Variants in RHBDD1 observed in about 807,000 individuals in gnomAD.
RHBDD1 encodes rhomboid-related protein 4.
In RHBDD1, 38 loss-of-function variants were observed where a neutral mutation model predicts 36.3. That is an observed-to-expected ratio of 1.05 (90% CI 0.81 to 1.37). The LOEUF is 1.37. Ranked by LOEUF, RHBDD1 falls within the 40% of genes most tolerant of loss-of-function variation. The pLI is 0.00. For synonymous variants in RHBDD1, 151 were observed against 136.5 expected, an observed-to-expected ratio of 1.11 and a Z score of -0.74; for missense variants, 393 against 377.6, an observed-to-expected ratio of 1.04 and a Z score of -0.34.
At chr2:226,948,440 A>T (rs1430892267) in intron 8 of RHBDD1, among the ~76,000 whole-genome samples, 2 of 141,724 alleles carry the variant, frequency 1.4e-5, no homozygotes, top group African/African-American at 5.3e-5. Context: ...GGGGGGAGGG[A>T]TAGCATTGGG....
chr2:226,926,991 GGT>G (rs1385596643), intron 8 of RHBDD1, among the ~76,000 whole-genome samples: 1 of 151,948 alleles, frequency 6.6e-6, no homozygotes, highest in African/African-American at 2.4e-5. Flanking sequence ...TACTCCGTGT[GGT>G]GTACACTTAT....
At chr2:226,910,088 G>C (rs1948413383) in intron 7 of RHBDD1, among the ~76,000 whole-genome samples, 2 of 152,178 alleles carry the variant, frequency 1.3e-5, no homozygotes, top group African/African-American at 4.8e-5. Flanking sequence ...CTTTTCTACT[G>C]TGTAAGGATA....
the RHBDD1 span, among the ~76,000 whole-genome samples, chr2:226,802,404 T>C: frequency 6.6e-6 from 1 of 152,218 alleles, no homozygotes; most frequent in Non-Finnish European, 1.5e-5. Context: ...AGGTGGTTAA[T>C]ATTTGTTATA....
At chr2:226,886,452 A>G (rs929702214) in intron 5 of RHBDD1, among the ~76,000 whole-genome samples, 3 of 152,194 alleles carry the variant, frequency 2.0e-5, no homozygotes, top group African/African-American at 7.2e-5. Flanking sequence ...TTCAAACAAG[A>G]AAAGGGAAAA....
chr2:226,822,487 T>C, the RHBDD1 span, among the ~76,000 whole-genome samples: 3 of 151,776 alleles, frequency 2.0e-5, no homozygotes, highest in African/African-American at 7.3e-5. Flanking sequence ...ATACAAAAAT[T>C]AGCTGGGTGT....
chr2:226,808,832 G>A, the RHBDD1 span, among the ~76,000 whole-genome samples: 1 of 151,594 alleles, frequency 6.6e-6, no homozygotes, highest in Non-Finnish European at 1.5e-5. Context: ...AAAGGGCAGG[G>A]AACCTAGACC....
chr2:226,836,532 C>A (rs1383452693), intron 1 of RHBDD1, among the ~76,000 whole-genome samples: 2 of 152,228 alleles, frequency 1.3e-5, no homozygotes, highest in Non-Finnish European at 2.9e-5. Context: ...GCAGTAATAA[C>A]TTTTATTAGA....
the RHBDD1 span, among the ~76,000 whole-genome samples, chr2:226,825,416 A>G: frequency 2.6e-5 from 4 of 152,342 alleles, no homozygotes; most frequent in South Asian, 8.3e-4. Context: ...TGTGACCATA[A>G]GAACAATTGG....
intron 7 of RHBDD1, among the ~76,000 whole-genome samples, chr2:226,912,507 G>A (rs1575071957): frequency 6.6e-6 from 1 of 152,140 alleles, no homozygotes; most frequent in African/African-American, 2.4e-5. Flanking sequence ...GCCATACAGT[G>A]GAATATTATT....
chr2:226,906,060 A>T (rs1256308440), intron 5 of RHBDD1, among the ~76,000 whole-genome samples: 1 of 152,170 alleles, frequency 6.6e-6, no homozygotes, highest in African/African-American at 2.4e-5. Context: ...TCAGCCAGGG[A>T]ACTCCACAAA....
At chr2:226,818,551 G>A in the RHBDD1 span, among the ~76,000 whole-genome samples, 5 of 150,638 alleles carry the variant, frequency 3.3e-5, no homozygotes, top group Admixed American at 1.3e-4. Context: ...TTAAAAATCA[G>A]ATGACCTGGC....
At chr2:226,917,113 A>G (rs906040485) in intron 8 of RHBDD1, among the ~76,000 whole-genome samples, 49 of 152,222 alleles carry the variant, frequency 3.2e-4, no homozygotes, top group African/African-American at 1.1e-3. Flanking sequence ...TTAAGTTAAT[A>G]TAAGTCATTA....
chr2:226,927,612 G>A (rs1022733283), intron 8 of RHBDD1, among the ~76,000 whole-genome samples: 3 of 151,946 alleles, frequency 2.0e-5, no homozygotes, highest in Non-Finnish European at 4.4e-5. Flanking sequence ...GAGAGTTCCA[G>A]TTGCTCTCGG....
chr2:226,995,320 G>A (rs764458867), intron 8 of RHBDD1, 111 bp from the exon 9 acceptor site: 1 of 692,782 alleles, frequency 1.4e-6, no homozygotes, highest in East Asian at 2.7e-5. Context: ...TCTGTTTTGT[G>A]TTAAAATGAA....
intron 5 of RHBDD1, among the ~76,000 whole-genome samples, chr2:226,885,617 CT>C (rs1303165576): frequency 1.4e-4 from 22 of 151,854 alleles, no homozygotes; most frequent in African/African-American, 5.3e-4. Flanking sequence ...ACAAAAAGGA[CT>C]AGAGAGAAAC....
chr2:226,948,587 G>GAAAAAAAAAAAAAAAAAAAAAAAAA (rs1951188463), intron 8 of RHBDD1, among the ~76,000 whole-genome samples: 1 of 82,522 alleles, frequency 1.2e-5, no homozygotes, highest in Non-Finnish European at 2.5e-5. Context: ...AAAAAAAAAC[G>GAAAAAAAAAAAAAAAAAAAAAAAAA]AAAAAAATAA....
At chr2:226,824,035 T>C in the RHBDD1 span, among the ~76,000 whole-genome samples, 1 of 152,262 alleles carries the variant, frequency 6.6e-6, no homozygotes, top group South Asian at 2.1e-4. Context: ...GGGGAAAACA[T>C]ACAAACCACA....
At chr2:226,986,159 C>T (rs1015310222) in intron 8 of RHBDD1, among the ~76,000 whole-genome samples, 1 of 152,192 alleles carries the variant, frequency 6.6e-6, no homozygotes, top group Non-Finnish European at 1.5e-5. Context: ...CTGTCTGCTA[C>T]CACTCAAGAC....
chr2:226,922,899 A>G (rs555298269), intron 8 of RHBDD1, among the ~76,000 whole-genome samples: 77 of 152,340 alleles, frequency 5.1e-4, no homozygotes, highest in African/African-American at 1.8e-3. Flanking sequence ...CAAAGAGAAA[A>G]TGAATAAAAA....
Sources: gnomAD v4.1 joint callset for allele counts (sites outside exome capture counted in the v4.1 genomes callset) on GRCh38, gnomAD v4.1.1 for gene constraint, MANE v1.5 for transcripts, NCBI Gene and HGNC (gene_info 2026-07-23, HGNC 2026-07-21) for gene names.